Variants in TEC observed in about 807,000 individuals in gnomAD.
The protein encoded by TEC is tyrosine-protein kinase Tec.
TEC carries 72 observed loss-of-function variants against 93.0 expected under a neutral mutation model. That is an observed-to-expected ratio of 0.77 (90% CI 0.64 to 0.94). The LOEUF (loss-of-function observed/expected upper bound fraction) is 0.94, where lower values mean the gene tolerates loss of function less well. TEC is among the 40% of genes least tolerant of loss of function. The pLI is 0.00. For synonymous variants in TEC, 249 were observed against 247.7 expected (o/e 1.01, Z -0.05); for missense variants, 630 against 757.9 (o/e 0.83, Z 1.98).
At chr4:48,208,560 G>A (rs912932162) in intron 2 of TEC, among the ~76,000 whole-genome samples, 1 of 151,372 alleles carries the variant, frequency 6.6e-6, no homozygotes, top group Non-Finnish European at 1.5e-5. Context: ...TGTTCTTTGA[G>A]CAATAAAGCA....
At chr4:48,161,569 A>C (rs1164547068) in intron 8 of TEC, among the ~76,000 whole-genome samples, 1 of 150,224 alleles carries the variant, frequency 6.7e-6, no homozygotes, top group African/African-American at 2.5e-5. Flanking sequence ...CCAAGCAAAG[A>C]GAACTATTCA....
At chr4:48,248,866 CTTTTTTT>C (rs34690737) in intron 1 of TEC, among the ~76,000 whole-genome samples, 1 of 136,838 alleles carries the variant, frequency 7.3e-6, no homozygotes, top group African/African-American at 2.7e-5. Context: ...TCTCCTCTTT[CTTTTTTT>C]TTTTTTTTGG....
At chr4:48,210,478 G>C (rs1269244679) in intron 2 of TEC, among the ~76,000 whole-genome samples, 1 of 143,038 alleles carries the variant, frequency 7.0e-6, no homozygotes, top group African/African-American at 2.8e-5. Context: ...GAATGAGACT[G>C]CCTCTTTATA....
intron 2 of TEC, among the ~76,000 whole-genome samples, chr4:48,199,026 G>A (rs576962841): frequency 6.6e-6 from 1 of 152,324 alleles, no homozygotes; most frequent in African/African-American, 2.4e-5. Context: ...ATCGGCCAGA[G>A]GCTTAAATAC....
chr4:48,194,897 G>T (rs1560402653), intron 2 of TEC, among the ~76,000 whole-genome samples: 2 of 152,184 alleles, frequency 1.3e-5, no homozygotes, highest in Non-Finnish European at 2.9e-5. Context: ...CATTCAACTG[G>T]TGTTGCAAAT....
At chr4:48,224,866 G>C (rs1050013592) in intron 2 of TEC, among the ~76,000 whole-genome samples, 25 of 152,166 alleles carry the variant, frequency 1.6e-4, no homozygotes, top group African/African-American at 5.8e-4. Context: ...CAGAGAATAA[G>C]GAGAAGATGG....
intron 2 of TEC, among the ~76,000 whole-genome samples, chr4:48,218,227 G>A (rs1723142151): frequency 6.6e-6 from 1 of 152,194 alleles, no homozygotes; most frequent in Non-Finnish European, 1.5e-5. Context: ...CTAAGAATAT[G>A]AGTTTTCAAG....
intron 1 of TEC, among the ~76,000 whole-genome samples, chr4:48,229,527 G>A (rs1452416058): frequency 5.3e-5 from 8 of 152,222 alleles, no homozygotes; most frequent in African/African-American, 1.4e-4. Context: ...AGTGGCTCAC[G>A]CCTGTTATCC....
At chr4:48,260,534 G>A (rs7697203) in intron 1 of TEC, among the ~76,000 whole-genome samples, 57,306 of 151,828 alleles carry the variant, frequency 0.38, 11,858 homozygotes, top group Non-Finnish European at 0.47. Context: ...CCAGGAGTTC[G>A]AGGCTGCAGT....
rs1393479221 is a variant in TEC at position 48,135,900 on chromosome 4, A to G, written c.*1516T>C. The G allele has an allele frequency of 6.6e-6, 1 of 152,242 alleles. No individual in the cohort carries two copies. Among genetic ancestry groups the G allele is most frequent in the Non-Finnish European group, 1.5e-5 (1 of 68,074 alleles). 9.4% of individuals were successfully genotyped at this position (152,242 alleles called of 1,614,324 possible). ...CAGACTCTAGACTGACCAGGATGAA[A>G]TGAAATGGTTCTCCAGGGTCAGAGT... is the stretch of plus-strand genomic sequence containing the variant. On this transcript the variant is annotated 3_prime_UTR_variant, in exon 18 of 18. Coordinates refer to ENST00000381501, the MANE Select transcript of TEC (RefSeq NM_003215.3).
At chr4:48,157,767 T>C (rs1439028670) in intron 8 of TEC, among the ~76,000 whole-genome samples, 1 of 152,168 alleles carries the variant, frequency 6.6e-6, no homozygotes, top group Non-Finnish European at 1.5e-5. Context: ...CTGCCCACCT[T>C]GGCTTTCCAA....
intron 14 of TEC, among the ~76,000 whole-genome samples, chr4:48,142,626 G>C (rs1719726587): frequency 6.6e-6 from 1 of 152,148 alleles, no homozygotes; most frequent in South Asian, 2.1e-4. Context: ...TAAGAAAATA[G>C]TTTGATAGAA....
At position 48,230,733 on chromosome 4, in the gene TEC, CT is replaced by C. The variant is rs934599811; in HGVS notation, c.-45-2075del. ...TTCTGGCTGCAGCCTACCAGTCCAT[CT>C]TTACTTCCACCACACTCCAATCAAA... On this transcript the variant is annotated intron_variant, in intron 1 of 17. Transcript: ENST00000381501. Among the ~76,000 whole-genome samples, 18 of 152,312 alleles carry C rather than the reference CT, an allele frequency of 1.2e-4. 1 individual carries two copies. Among genetic ancestry groups the C allele is most frequent in the African/African-American group, 4.3e-4 (18 of 41,578 alleles).
At chr4:48,235,850 C>CA (rs1200487860) in intron 1 of TEC, among the ~76,000 whole-genome samples, 1 of 152,196 alleles carries the variant, frequency 6.6e-6, no homozygotes, top group Non-Finnish European at 1.5e-5. Context: ...TTCATTCTCT[C>CA]AACAACCTTC....
At chr4:48,168,005 C>A in intron 6 of TEC, 52 bp from the exon 7 acceptor site, 3 of 1,552,410 alleles carry the variant, frequency 1.9e-6, no homozygotes, top group South Asian at 2.3e-5. Flanking sequence ...TGAAACTGAT[C>A]ATGAATCAAA....
At chr4:48,161,764 C>A (rs535253638) in intron 8 of TEC, among the ~76,000 whole-genome samples, 140 of 152,212 alleles carry the variant, frequency 9.2e-4, no homozygotes, top group Non-Finnish European at 1.2e-3. Flanking sequence ...CTGGGAAAGG[C>A]AGACCCACCC....
chr4:48,182,624 T>C (rs1721639212), intron 2 of TEC, among the ~76,000 whole-genome samples: 1 of 151,932 alleles, frequency 6.6e-6, no homozygotes, highest in Non-Finnish European at 1.5e-5. Context: ...ATGACCATTT[T>C]ATATATTGTA....
chr4:48,213,324 A>G (rs1293718831), intron 2 of TEC, among the ~76,000 whole-genome samples: 1 of 152,246 alleles, frequency 6.6e-6, no homozygotes, highest in Non-Finnish European at 1.5e-5. Context: ...GGGCTTACCA[A>G]TGTAGAATCA....
intron 1 of TEC, among the ~76,000 whole-genome samples, chr4:48,238,242 T>C (rs1332582089): frequency 6.6e-6 from 1 of 152,220 alleles, no homozygotes. Context: ...CACCTCTGTC[T>C]TCCTGAGCTA....
Sources: gnomAD v4.1 joint callset for allele counts (sites outside exome capture counted in the v4.1 genomes callset) on GRCh38, gnomAD v4.1.1 for gene constraint, MANE v1.5 for transcripts, NCBI Gene and HGNC (gene_info 2026-07-23, HGNC 2026-07-21) for gene names.